CCDC88C: variants seen among roughly 807,000 people sequenced by gnomAD.
CCDC88C encodes the protein coiled-coil and HOOK domain protein 88C, also known as protein Daple.
Under a neutral mutation model 198.8 loss-of-function variants are expected in CCDC88C, and 131 were observed. The ratio of observed to expected loss-of-function variants is 0.66; its 90% confidence interval spans 0.57 to 0.76. The LOEUF is 0.76. Among genes scored for constraint, CCDC88C ranks in the 30% least tolerant of loss-of-function variants. CCDC88C has a pLI of 0.00. For missense variants in CCDC88C, 2,553 were observed against 2,631.6 expected (o/e 0.97, Z 0.65); for synonymous variants, 1,166 against 1,114.7 (o/e 1.05, Z -0.92).
chr14:91,398,159 T>C (rs903486425), intron 3 of CCDC88C, among the ~76,000 whole-genome samples: 2 of 152,182 alleles, frequency 1.3e-5, no homozygotes, highest in Non-Finnish European at 2.9e-5. Flanking sequence ...AGTCCCACAG[T>C]TCCTCGCTGC....
Position 91,277,957 on chromosome 14 carries a change from A to T in CCDC88C, c.5023T>A (p.Phe1675Ile). ...PSSEMVTLEE[F>I]LEESNRSSPT... is the part of the protein sequence containing the mutation. ...GAGCTGCGGTTGCTCTCCTCCAGGA[A>T]CTCCTCCAAGGTGACCATCTCACTG... The change falls in exon 29 of 30, where the codon TTC (phenylalanine) becomes ATC (isoleucine). Residue 1675 changes from phenylalanine (F) to isoleucine (I), a missense_variant. Physicochemically the swap from Phe to Ile is conservative, Grantham distance 21. Around this residue, in one of 2 missense-constraint regions of CCDC88C, gnomAD observed 1,293 missense variants for 1,219.6 expected, o/e 1.06. Transcript: ENST00000389857. The T allele has an allele frequency of 6.5e-7, 1 of 1,533,978 alleles. No individual in the cohort carries two copies. The highest frequency in any genetic ancestry group is 8.8e-7 in the Non-Finnish European group (1 of 1,132,732).
Position 91,338,344 on chromosome 14 carries a change from G to T in CCDC88C, c.891+145C>A. 1.1e-6 allele frequency: 1 copy of T among 944,794 alleles called. No individual in the cohort carries two copies. The highest frequency in any genetic ancestry group is 1.6e-6 in the Non-Finnish European group (1 of 620,006). 58.5% of individuals were successfully genotyped at this position (944,794 alleles called of 1,614,324 possible). On this transcript the variant is annotated intron_variant, in intron 9 of 29. Coordinates refer to ENST00000389857, the MANE Select transcript of CCDC88C (RefSeq NM_001080414.4). This position sits in a 1 kb window ranked among gnomAD's most constrained non-coding sequence, Gnocchi z 4.8. ...TCCACCTGCTGTCACTAAGAAACAGGGTCATCCCCATAGCCGTGCTCAGGA... is the reference window on the plus strand; with the variant it reads ...TCCACCTGCTGTCACTAAGAAACAGTGTCATCCCCATAGCCGTGCTCAGGA...
chr14:91,272,345 T>C lies in CCDC88C; in HGVS notation c.*280A>G, dbSNP rs1257235976. The C allele has an allele frequency of 2.0e-5, 9 of 455,220 alleles. No individual in the cohort carries two copies. Among genetic ancestry groups the C allele is most frequent in the Non-Finnish European group, 3.5e-5 (9 of 254,078 alleles). The allele number at this position is 455,220 out of a possible 1,614,324, so 28.2% of individuals were successfully genotyped here. On this transcript the variant is annotated 3_prime_UTR_variant, in exon 30 of 30. Coordinates refer to ENST00000389857, the MANE Select transcript of CCDC88C (RefSeq NM_001080414.4). Reference sequence around the variant, plus strand: ...GCTTTGGGGGAAGTCAGTTTGTCATTGCATCCTAATTGGTCCCCATGCTGA... The same window carrying C: ...GCTTTGGGGGAAGTCAGTTTGTCATCGCATCCTAATTGGTCCCCATGCTGA...
At position 91,346,285 on chromosome 14, in the gene CCDC88C, C is replaced by T. The variant is rs542345656; in HGVS notation, c.341-2628G>A. Among the ~76,000 whole-genome samples the T allele has an allele frequency of 9.2e-5, 14 of 152,326 alleles. No homozygotes were observed. In the South Asian group the frequency reaches 1.0e-3, roughly 11 times the overall value. Reference sequence around the variant, plus strand: ...CACTGAACCAGAAACACACCCCGCCCCCCAGCCTGAAGGCAGGGCAGGGAG... The same window carrying T: ...CACTGAACCAGAAACACACCCCGCCTCCCAGCCTGAAGGCAGGGCAGGGAG... On this transcript the variant is annotated intron_variant, in intron 4 of 29. Transcript: ENST00000389857.
intron 21 of CCDC88C, 59 bp downstream of exon 21, chr14:91,299,868 G>T: frequency 6.7e-7 from 1 of 1,491,978 alleles, no homozygotes; most frequent in Non-Finnish European, 8.9e-7. Context: ...TGCTATGCAA[G>T]GAGAGTCTGA....
Position 91,283,459 on chromosome 14 carries a change from T to C in CCDC88C, c.4500A>G (p.Thr1500=). ...GSPHRGSLDR[T]DASTDLAMRS... ...TCATGGCCAGATCGGTGGAGGCATCTGTGCGGTCAAGGCTGCCTCTGTGTG... is the reference window on the plus strand; with the variant it reads ...TCATGGCCAGATCGGTGGAGGCATCCGTGCGGTCAAGGCTGCCTCTGTGTG... Residue 1500 remains threonine, a synonymous_variant, in exon 26 of 30, where the codon ACA becomes ACG. Coordinates refer to ENST00000389857, the MANE Select transcript of CCDC88C (RefSeq NM_001080414.4). 6.2e-7 allele frequency: 1 copy of C among 1,613,282 alleles called. No individual in the cohort carries two copies. Among genetic ancestry groups the C allele is most frequent in the Non-Finnish European group, 8.5e-7 (1 of 1,179,664 alleles).
At chr14:91,417,540 G>T (rs567223989) in intron 1 of CCDC88C, 91 bp downstream of exon 1, 3 of 1,254,646 alleles carry the variant, frequency 2.4e-6, no homozygotes, top group Non-Finnish European at 3.3e-6. Flanking sequence ...GCCACCCGGG[G>T]CCCCGGCCGT....
intron 1 of CCDC88C, 198 bp from the exon 2 acceptor site, chr14:91,417,036 C>G (rs1887098810): frequency 2.9e-6 from 2 of 697,818 alleles, no homozygotes; most frequent in Admixed American, 2.0e-5. Context: ...GCAACAGACA[C>G]GAGACAGGAG....
Position 91,410,314 on chromosome 14 carries a change from G to A in CCDC88C, c.162-1547C>T, listed in dbSNP as rs145559930. 4.1e-3 allele frequency among the ~76,000 whole-genome samples: 621 copies of A among 152,260 alleles called. 1 individual carries two copies. The highest frequency in any genetic ancestry group is 0.014 in the African/African-American group (591 of 41,538). On this transcript the variant is annotated intron_variant, in intron 2 of 29. Coordinates refer to ENST00000389857, the MANE Select transcript of CCDC88C (RefSeq NM_001080414.4). ...ATTCAAAGGAGAGCCTGTCTTCACA[G>A]TTTCTTCTGTTATCCAGACCCCGTG... is the stretch of plus-strand genomic sequence containing the variant.
rs1159870169 is a variant in CCDC88C at position 91,379,603 on chromosome 14, G to T, written c.271-19892C>A. The T allele has an allele frequency of 5.3e-6, 3 of 568,836 alleles. No individual in the cohort carries two copies. The African/African-American group carries it at 5.7e-5, about 11-fold the overall frequency. 35.2% of individuals were successfully genotyped at this position (568,836 alleles called of 1,614,324 possible). Reference sequence around the variant, plus strand: ...CAGGGGATCACACGAGCAGAAGTGGGACGCTGACGGTGCCTCCTGGGGTAG... The same window carrying T: ...CAGGGGATCACACGAGCAGAAGTGGTACGCTGACGGTGCCTCCTGGGGTAG... On this transcript the variant is annotated intron_variant, in intron 3 of 29. Transcript: ENST00000389857.
chr14:91,309,980 C>T lies in CCDC88C; in HGVS notation c.2743G>A (p.Val915Met), dbSNP rs1305226180. 2 of 1,597,408 alleles carry T rather than the reference C, an allele frequency of 1.3e-6. No homozygotes were observed. The highest frequency in any genetic ancestry group is 1.1e-5 in the South Asian group (1 of 88,518). The part of the protein sequence containing the change: ...RTLTTLREDL[V>M]LEKLKSQQLS... ...TGCTGGCTCTTCAGCTTCTCGAGCA[C>T]CAGGTCCTGGAATGATGGGGAGAGA... The change falls in exon 16 of 30, where the codon GTG becomes ATG. Residue 915 changes from valine (V) to methionine (M), a missense_variant. By Grantham distance (21) the Val-to-Met change is conservative. This residue lies in a region of CCDC88C where 1,260 missense variants were observed against 1,412.0 expected (regional missense o/e 0.89). Coordinates refer to ENST00000389857, the MANE Select transcript of CCDC88C (RefSeq NM_001080414.4).
chr14:91,340,219 G>A (rs1893262337), intron 6 of CCDC88C, among the ~76,000 whole-genome samples, 195 bp from the exon 7 acceptor site: 1 of 152,184 alleles, frequency 6.6e-6, no homozygotes, highest in Non-Finnish European at 1.5e-5. Flanking sequence ...AACCACTTCT[G>A]CTTTCAGAAC....
At chr14:91,409,253 A>G (rs1886676592) in intron 2 of CCDC88C, among the ~76,000 whole-genome samples, 1 of 151,612 alleles carries the variant, frequency 6.6e-6, no homozygotes, top group South Asian at 2.1e-4. Flanking sequence ...CAGTGGCACC[A>G]TCACAGATCA....
At position 91,297,331 on chromosome 14, in the gene CCDC88C, G is replaced by C; in HGVS notation, c.3940C>G (p.Leu1314Val). 1 of 1,613,700 alleles carries C rather than the reference G, an allele frequency of 6.2e-7. No homozygotes were observed. The highest frequency in any genetic ancestry group is 8.5e-7 in the Non-Finnish European group (1 of 1,179,782). ...KEQHQTMDIS[L>V]TKLDNHCELL... Reference sequence around the variant, plus strand: ...TCACAGTGGTTGTCCAGCTTGGTCAGCGAGATGTCCATGGTCTGGTGCTGC... The same window carrying C: ...TCACAGTGGTTGTCCAGCTTGGTCACCGAGATGTCCATGGTCTGGTGCTGC... Residue 1314 changes from leucine (L) to valine (V), a missense_variant, in exon 22 of 30, where the codon CTG becomes GTG. Leu to Val is a conservative substitution (Grantham distance 32). Transcript: ENST00000389857.
intron 15 of CCDC88C, among the ~76,000 whole-genome samples, chr14:91,311,870 A>G (rs1891843169): frequency 6.6e-6 from 1 of 152,304 alleles, no homozygotes; most frequent in South Asian, 2.1e-4. Flanking sequence ...AAATAGTTTG[A>G]TTCATGAAGG....
At chr14:91,298,306 G>A (rs747710275) in intron 21 of CCDC88C, among the ~76,000 whole-genome samples, 1 of 152,008 alleles carries the variant, frequency 6.6e-6, no homozygotes, top group African/African-American at 2.4e-5. Context: ...CCCGGGAGGC[G>A]GAGCTTGCAG....
intron 12 of CCDC88C, 75 bp from the exon 13 acceptor site, chr14:91,321,379 G>A: frequency 1.4e-6 from 2 of 1,461,788 alleles, no homozygotes; most frequent in Non-Finnish European, 9.3e-7. Flanking sequence ...GCTCCGAGAT[G>A]GTCATCAGTC....
At chr14:91,286,623 C>T (rs74567665) in intron 25 of CCDC88C, among the ~76,000 whole-genome samples, 208 of 152,346 alleles carry the variant, frequency 1.4e-3, no homozygotes, top group African/African-American at 3.8e-3. Flanking sequence ...TCTTCCTCCA[C>T]AGCACCACCT....
Position 91,290,979 on chromosome 14 carries a change from A to T in CCDC88C, c.4202+16T>A, listed in dbSNP as rs367962388. 6.7e-7 allele frequency: 1 copy of T among 1,481,848 alleles called. No homozygotes were observed. The allele number at this position is 1,481,848 out of a possible 1,614,324, so 91.8% of individuals were successfully genotyped here. On this transcript the variant is annotated intron_variant, in intron 24 of 29. Transcript: ENST00000389857. ...TTAAGTTCTGTCTTTATGCCACTAC[A>T]CTTAAATCAACTCACTTCTTTGGAG... is the stretch of plus-strand genomic sequence containing the variant.
Sources: allele counts gnomAD v4.1 joint callset (sites outside exome capture counted in the v4.1 genomes callset), GRCh38; gene constraint gnomAD v4.1.1; regional missense constraint gnomAD v4.1.1; non-coding constraint Gnocchi (gnomAD v3.1); transcripts MANE v1.5; gene names NCBI Gene and HGNC (gene_info 2026-07-23, HGNC 2026-07-21).